Variants in SPHKAP observed in about 807,000 individuals in gnomAD.
The protein encoded by SPHKAP is SPHK1 interactor, AKAP domain containing.
A neutral mutation model predicts 137.5 loss-of-function variants in SPHKAP; 67 were observed. That is an observed-to-expected ratio of 0.49 (90% CI 0.40 to 0.60). SPHKAP has a LOEUF of 0.60. SPHKAP is among the 20% of genes least tolerant of loss of function. SPHKAP has a pLI of 0.00. For missense variants in SPHKAP, 2,097 were observed against 2,069.3 expected (o/e 1.01, Z -0.26); for synonymous variants, 813 against 785.3 (o/e 1.04, Z -0.59).
chr2:228,114,867 C>T (rs1157394545), intron 2 of SPHKAP, among the ~76,000 whole-genome samples: 2 of 152,188 alleles, frequency 1.3e-5, no homozygotes, highest in South Asian at 2.1e-4. Context: ...ATATTAAGAG[C>T]GATAACTCTT....
At chr2:228,052,249 A>G (rs1696283026) in intron 3 of SPHKAP, among the ~76,000 whole-genome samples, 1 of 152,170 alleles carries the variant, frequency 6.6e-6, no homozygotes, top group Non-Finnish European at 1.5e-5. Context: ...TCCAACATCC[A>G]ATCTATTTTC....
chr2:228,042,624 A>G (rs1024860775), intron 3 of SPHKAP, among the ~76,000 whole-genome samples: 2 of 152,100 alleles, frequency 1.3e-5, no homozygotes, highest in Admixed American at 1.3e-4. Flanking sequence ...GGTGACTGAG[A>G]TAGAATATTT....
At chr2:228,154,533 T>TATATATATATATATATATATA (rs57634967) in intron 1 of SPHKAP, among the ~76,000 whole-genome samples, 5 of 15,534 alleles carry the variant, frequency 3.2e-4, no homozygotes, top group East Asian at 3.2e-3. Context: ...TATATATATA[T>TATATATATATATATATATATA]TTTTTTTTTT....
chr2:228,023,513 C>T (rs1161421620), intron 5 of SPHKAP, among the ~76,000 whole-genome samples: 1 of 152,180 alleles, frequency 6.6e-6, no homozygotes, highest in African/African-American at 2.4e-5. Flanking sequence ...CTGTGATCCC[C>T]CGAATGGAGA....
chr2:228,058,460 G>T (rs1482801578), intron 3 of SPHKAP, among the ~76,000 whole-genome samples: 1 of 152,032 alleles, frequency 6.6e-6, no homozygotes, highest in African/African-American at 2.4e-5. Context: ...TGTCAACCCT[G>T]CACCTTAAAT....
intron 2 of SPHKAP, among the ~76,000 whole-genome samples, chr2:228,125,032 A>T (rs1211453847): frequency 6.6e-6 from 1 of 152,200 alleles, no homozygotes; most frequent in Admixed American, 6.5e-5. Context: ...TATTAATATC[A>T]GACTCTGCCT....
At chr2:228,091,963 G>C (rs1697751828) in intron 3 of SPHKAP, among the ~76,000 whole-genome samples, 1 of 151,868 alleles carries the variant, frequency 6.6e-6, no homozygotes, top group African/African-American at 2.4e-5. Context: ...AATGATACTT[G>C]AACACGCATG....
At chr2:228,059,030 G>A (rs1338349124) in intron 3 of SPHKAP, among the ~76,000 whole-genome samples, 3 of 152,144 alleles carry the variant, frequency 2.0e-5, no homozygotes, top group Admixed American at 1.3e-4. Flanking sequence ...TGCCATATAA[G>A]TGCGATTGTA....
intron 1 of SPHKAP, among the ~76,000 whole-genome samples, chr2:228,136,805 A>C (rs1384620548): frequency 6.6e-6 from 1 of 152,222 alleles, no homozygotes; most frequent in Non-Finnish European, 1.5e-5. Context: ...TACTGAGAAA[A>C]ATAGATCAGA....
intron 1 of SPHKAP, among the ~76,000 whole-genome samples, chr2:228,170,185 A>G (rs1412040867): frequency 6.6e-6 from 1 of 152,142 alleles, no homozygotes; most frequent in Admixed American, 6.6e-5. Context: ...CAAATGAGGA[A>G]GTGCTTCTTA....
At chr2:228,082,050 A>T (rs1024418176) in intron 3 of SPHKAP, among the ~76,000 whole-genome samples, 3 of 152,232 alleles carry the variant, frequency 2.0e-5, no homozygotes, top group Admixed American at 6.5e-5. Flanking sequence ...CACGTTGTAC[A>T]TGATGAATAA....
intron 3 of SPHKAP, among the ~76,000 whole-genome samples, chr2:228,059,240 T>C (rs774069348): frequency 6.6e-6 from 1 of 152,196 alleles, no homozygotes; most frequent in Non-Finnish European, 1.5e-5. Flanking sequence ...TAAATTTTCA[T>C]TCCACTCGAT....
intron 3 of SPHKAP, among the ~76,000 whole-genome samples, chr2:228,039,409 A>G (rs932658459): frequency 9.3e-5 from 14 of 151,050 alleles, no homozygotes; most frequent in African/African-American, 3.4e-4. Flanking sequence ...CTTACATACA[A>G]TAAAATTTGA....
chr2:228,098,279 C>T (rs961090795), intron 3 of SPHKAP, among the ~76,000 whole-genome samples: 1 of 152,010 alleles, frequency 6.6e-6, no homozygotes, highest in Admixed American at 6.6e-5. Context: ...ACATGTATGT[C>T]TTCTTTTAAG....
chr2:228,108,699 G>C, intron 3 of SPHKAP, 133 bp downstream of exon 3: 1 of 618,156 alleles, frequency 1.6e-6, no homozygotes, highest in Non-Finnish European at 2.8e-6. Flanking sequence ...ATATAAACCC[G>C]CTATGTATTT....
At chr2:228,176,166 A>T (rs1308288475) in intron 1 of SPHKAP, among the ~76,000 whole-genome samples, 1 of 152,212 alleles carries the variant, frequency 6.6e-6, no homozygotes, top group Non-Finnish European at 1.5e-5. Flanking sequence ...GATCTTAATT[A>T]CCGTGCTATC....
At chr2:228,039,206 G>A (rs187663616) in intron 3 of SPHKAP, among the ~76,000 whole-genome samples, 19 of 152,264 alleles carry the variant, frequency 1.2e-4, no homozygotes, top group East Asian at 3.9e-4. Flanking sequence ...ACATCATCCC[G>A]AAAGAACACG....
At chr2:228,092,314 T>TGTATACGTACACACACACGTGTATGTGC (rs1697796433) in intron 3 of SPHKAP, among the ~76,000 whole-genome samples, 1 of 98,646 alleles carries the variant, frequency 1.0e-5, no homozygotes, top group African/African-American at 3.7e-5. Context: ...CGTGTATGTG[T>TGTATACGTACACACACACGTGTATGTGC]GTGTATACGT....
intron 7 of SPHKAP, among the ~76,000 whole-genome samples, chr2:228,011,268 G>C (rs1694356918): frequency 6.7e-6 from 1 of 150,226 alleles, no homozygotes; most frequent in Non-Finnish European, 1.5e-5. Flanking sequence ...CTTCTGGTGG[G>C]TGAACTTTTT....
Sources: allele counts gnomAD v4.1 joint callset (sites outside exome capture counted in the v4.1 genomes callset), GRCh38; gene constraint gnomAD v4.1.1; transcripts MANE v1.5; gene names NCBI Gene and HGNC (gene_info 2026-07-23, HGNC 2026-07-21).